CAPZB: variants seen among roughly 807,000 people sequenced by gnomAD.
CAPZB encodes F-actin-capping protein subunit beta.
Under a neutral mutation model 38.1 loss-of-function variants are expected in CAPZB, and 2 were observed. That is an observed-to-expected ratio of 0.05 (90% CI 0.02 to 0.17). The LOEUF is 0.17. Among genes scored for constraint, CAPZB ranks in the 10% least tolerant of loss-of-function variants. CAPZB has a pLI of 1.00. For missense variants in CAPZB, 161 were observed against 334.2 expected (o/e 0.48, Z 4.04); for synonymous variants, 107 against 127.4 (o/e 0.84, Z 1.08).
chr1:19,453,173 T>A (rs1203788983), intron 1 of CAPZB, among the ~76,000 whole-genome samples: 2 of 152,180 alleles, frequency 1.3e-5, no homozygotes, highest in Admixed American at 1.3e-4. Context: ...CAGCTTCTTG[T>A]GACTGTTAGA....
At chr1:19,430,582 T>A (rs58127635) in intron 1 of CAPZB, among the ~76,000 whole-genome samples, 8,211 of 151,874 alleles carry the variant, frequency 0.054, 724 homozygotes, top group African/African-American at 0.18. Flanking sequence ...CAAAGCAGAG[T>A]CGCTGCCCAG....
chr1:19,481,547 T>C (rs2094628603), intron 1 of CAPZB, among the ~76,000 whole-genome samples: 1 of 152,182 alleles, frequency 6.6e-6, no homozygotes, highest in African/African-American at 2.4e-5. Flanking sequence ...GGCTATAACC[T>C]AAGTCATGTT....
intron 4 of CAPZB, among the ~76,000 whole-genome samples, chr1:19,360,861 T>G (rs2094049257): frequency 6.6e-6 from 1 of 152,192 alleles, no homozygotes; most frequent in Non-Finnish European, 1.5e-5. Flanking sequence ...TCACTCCTTG[T>G]GGGGTTACTA....
At chr1:19,414,327 C>T (rs1166137545) in intron 2 of CAPZB, among the ~76,000 whole-genome samples, 1 of 152,196 alleles carries the variant, frequency 6.6e-6, no homozygotes, top group African/African-American at 2.4e-5. Flanking sequence ...GAGGGCTGCT[C>T]TGGCTACTTA....
intron 2 of CAPZB, among the ~76,000 whole-genome samples, chr1:19,393,657 G>T (rs4595382): frequency 0.51 from 76,913 of 152,050 alleles, 20,418 homozygotes; most frequent in Middle Eastern, 0.59. Flanking sequence ...GAGGAAAAAA[G>T]AATAGAATTG....
intron 3 of CAPZB, among the ~76,000 whole-genome samples, chr1:19,379,391 G>T (rs930109688): frequency 4.6e-5 from 7 of 152,098 alleles, no homozygotes; most frequent in Admixed American, 1.3e-4. Flanking sequence ...GAGCCACCGC[G>T]CCTGGCCATG....
intron 7 of CAPZB, 28 bp downstream of exon 7, chr1:19,345,159 G>A (rs1447248312): frequency 1.9e-6 from 3 of 1,598,986 alleles, no homozygotes; most frequent in Admixed American, 1.7e-5. Flanking sequence ...GGTCACTGCA[G>A]GAGCCAGCCA....
intron 2 of CAPZB, among the ~76,000 whole-genome samples, chr1:19,404,355 CCAAATTGGTAAAACCGCAT>C (rs899633140): frequency 2.0e-5 from 3 of 151,276 alleles, no homozygotes; most frequent in African/African-American, 7.3e-5. Flanking sequence ...ACCAGCCTGG[CCAAATTGGTAAAACCGCAT>C]CTCTACTAAA....
Position 19,385,620 on chromosome 1 carries a change from T to A in CAPZB, c.100A>T (p.Ser34Cys), listed in dbSNP as rs532876346. The change falls in exon 3 of 9, where the codon AGT (serine) becomes TGT (cysteine). Residue 34 changes from serine to cysteine, a missense_variant. By Grantham distance (112) the Ser-to-Cys change is moderately radical. Transcript: ENST00000264202. ...NLSDLIDLVP[S>C]LCEDLLSSVD... is the part of the protein sequence containing the mutation. ...GAAGACAGGAGATCCTCACATAGAC[T>A]GGGGACCTGGCAGAGAGAAAGGACA... 9.9e-6 allele frequency: 16 copies of A among 1,614,172 alleles called. No individual in the cohort carries two copies. In the South Asian group the frequency reaches 1.1e-4, roughly 11 times the overall value.
chr1:19,358,736 T>C (rs960829859), intron 4 of CAPZB, among the ~76,000 whole-genome samples: 10 of 152,222 alleles, frequency 6.6e-5, no homozygotes, highest in Non-Finnish European at 1.0e-4. Context: ...AGAAATCTCA[T>C]CTCTCGTGGT....
chr1:19,366,223 G>A (rs928181174), intron 4 of CAPZB, among the ~76,000 whole-genome samples: 1 of 149,300 alleles, frequency 6.7e-6, no homozygotes, highest in Non-Finnish European at 1.5e-5. Context: ...AAGGTGGGGG[G>A]ATCACTTGAC....
intron 3 of CAPZB, among the ~76,000 whole-genome samples, chr1:19,380,594 C>G (rs2094169092): frequency 6.6e-6 from 1 of 152,244 alleles, no homozygotes; most frequent in Non-Finnish European, 1.5e-5. Context: ...GGCTGCCCAA[C>G]AGAACTTCCT....
chr1:19,351,449 A>C (rs1558176289), intron 6 of CAPZB, among the ~76,000 whole-genome samples: 1 of 152,188 alleles, frequency 6.6e-6, no homozygotes, highest in Non-Finnish European at 1.5e-5. Context: ...CTAGGACCAC[A>C]GATGCCACCC....
Position 19,356,003 on chromosome 1 carries a change from GAAC to G in CAPZB, c.588+629_588+631del, listed in dbSNP as rs1271207689. ...CAAGTTTGCCTTAGACAGAACCTGG[GAAC>G]AACATCGTGGAGAAGGGTTGCTAGT... On this transcript the variant is annotated intron_variant, in intron 6 of 8. Coordinates refer to ENST00000264202, the MANE Select transcript of CAPZB (RefSeq NM_004930.5). The surrounding 1 kb of genome is among the most constrained non-coding windows in gnomAD (Gnocchi z 4.3). 1.1e-4 allele frequency among the ~76,000 whole-genome samples: 16 copies of G among 152,132 alleles called. No individual in the cohort carries two copies. The highest frequency in any genetic ancestry group is 4.4e-5 in the Non-Finnish European group (3 of 68,034).
At chr1:19,349,231 A>T (rs942720732) in intron 6 of CAPZB, among the ~76,000 whole-genome samples, 1 of 152,124 alleles carries the variant, frequency 6.6e-6, no homozygotes, top group South Asian at 2.1e-4. Flanking sequence ...GAACTTTTGC[A>T]TGCTGGCCCC....
At chr1:19,445,244 CA>C (rs2094492337) in intron 1 of CAPZB, among the ~76,000 whole-genome samples, 1 of 151,900 alleles carries the variant, frequency 6.6e-6, no homozygotes, top group East Asian at 1.9e-4. Flanking sequence ...TTATGTGACC[CA>C]ATAGGAAAAA....
At chr1:19,442,476 G>C (rs1433056442) in intron 1 of CAPZB, among the ~76,000 whole-genome samples, 1 of 152,270 alleles carries the variant, frequency 6.6e-6, no homozygotes, top group African/African-American at 2.4e-5. Flanking sequence ...AAAGTTCTCT[G>C]AATTTAAATC....
At chr1:19,425,386 G>C (rs1271322970) in intron 1 of CAPZB, among the ~76,000 whole-genome samples, 1 of 144,812 alleles carries the variant, frequency 6.9e-6, no homozygotes, top group Non-Finnish European at 1.5e-5. Context: ...CTGATGCTGA[G>C]TGGTGAACAT....
chr1:19,365,839 A>C (rs1378804826), intron 4 of CAPZB, among the ~76,000 whole-genome samples: 1 of 150,468 alleles, frequency 6.6e-6, no homozygotes, highest in Admixed American at 6.6e-5. Flanking sequence ...CGTCTCAAAA[A>C]GAAAAAAAGA....
Sources: gnomAD v4.1 joint callset for allele counts (sites outside exome capture counted in the v4.1 genomes callset) on GRCh38, gnomAD v4.1.1 for gene constraint, Gnocchi (gnomAD v3.1) non-coding constraint, MANE v1.5 for transcripts, NCBI Gene and HGNC (gene_info 2026-07-23, HGNC 2026-07-21) for gene names.